Variants in ELN observed in about 807,000 individuals in gnomAD.
ELN encodes the protein tropoelastin.
In ELN, 65 loss-of-function variants were observed where a neutral mutation model predicts 105.8. That is an observed-to-expected ratio of 0.61 (90% CI 0.50 to 0.75). The LOEUF is 0.75. Ranked by LOEUF, ELN falls within the 30% of genes least tolerant of loss-of-function variation. The pLI is 0.00. For missense variants in ELN, 882 were observed against 969.4 expected (o/e 0.91, Z 1.20); for synonymous variants, 368 against 389.2 (o/e 0.95, Z 0.64).
chr7:74,037,915 A>G, intron 4 of ELN, 176 bp downstream of exon 4: 1 of 900,364 alleles, frequency 1.1e-6, no homozygotes, highest in Non-Finnish European at 1.7e-6. Context: ...GGCCGGGGCC[A>G]GGTCCCAGGG....
intron 14 of ELN, 145 bp from the exon 15 acceptor site, chr7:74,048,358 C>A: frequency 6.8e-7 from 1 of 1,472,658 alleles, no homozygotes. Flanking sequence ...AGGAGTGGGG[C>A]AGCTCCATCA....
At position 74,068,748 on chromosome 7, in the gene ELN, G is replaced by T; in HGVS notation, c.*48G>T. On this transcript the variant is annotated 3_prime_UTR_variant, in exon 33 of 33. Coordinates refer to ENST00000252034, the MANE Select transcript of ELN (RefSeq NM_000501.4). ...CGACCTCATCAACGTTGGTGCTACT[G>T]CTTGGTGGAGAATGTAAACCCTTTG... 2 of 1,606,992 alleles carry T rather than the reference G, an allele frequency of 1.2e-6. No individual in the cohort carries two copies. Among genetic ancestry groups the T allele is most frequent in the Non-Finnish European group, 1.7e-6 (2 of 1,173,692 alleles).
At chr7:74,064,454 G>C (rs1797515803) in intron 29 of ELN, among the ~76,000 whole-genome samples, 1 of 145,008 alleles carries the variant, frequency 6.9e-6, no homozygotes, top group Non-Finnish European at 1.5e-5. Context: ...ATGTATGTAT[G>C]TATGTATATA....
intron 31 of ELN, 142 bp downstream of exon 31, chr7:74,066,139 C>T: frequency 8.2e-7 from 1 of 1,224,306 alleles, no homozygotes; most frequent in African/African-American, 1.5e-5. Flanking sequence ...TTTAGGATTG[C>T]AGATGTACTG....
chr7:74,066,024 G>A, intron 31 of ELN, 27 bp downstream of exon 31: 1 of 1,614,022 alleles, frequency 6.2e-7, no homozygotes, highest in Non-Finnish European at 8.5e-7. Context: ...CTGCTACGTA[G>A]TCCTCAGCTC....
Position 74,057,680 on chromosome 7 carries a change from C to G in ELN, c.1398C>G (p.Ala466=). 1 of 1,613,602 alleles carries G rather than the reference C, an allele frequency of 6.2e-7. No individual in the cohort carries two copies. Among genetic ancestry groups the G allele is most frequent in the Non-Finnish European group, 8.5e-7 (1 of 1,180,004 alleles). ...TPAAAAAKAA[A]KAAQFGLVPG... The stretch of plus-strand genomic sequence containing the variant: ...CAGCTGCAGCTGCTAAAGCAGCCGC[C>G]AAAGCCGCCCAGTTTGGTAAGTCCC... Residue 466 remains alanine (A), a synonymous_variant, in exon 22 of 33, where the codon GCC becomes GCG. Transcript: ENST00000252034.
intron 17 of ELN, 173 bp downstream of exon 17, chr7:74,052,156 T>C (rs1183576923): frequency 2.7e-6 from 2 of 752,142 alleles, no homozygotes; most frequent in Non-Finnish European, 4.3e-6. Context: ...ATCTCTATTG[T>C]TTTGCCCTGA....
At chr7:74,028,327 A>C in intron 1 of ELN, 58 bp downstream of exon 1, 1 of 1,556,810 alleles carries the variant, frequency 6.4e-7, no homozygotes. Flanking sequence ...CCTTTGGGCC[A>C]GGTGACTAGA....
At chr7:74,065,812 C>T in intron 30 of ELN, 80 bp downstream of exon 30, 1 of 1,611,102 alleles carries the variant, frequency 6.2e-7, no homozygotes, top group Non-Finnish European at 8.5e-7. Flanking sequence ...CAGCCCAGCT[C>T]AGGCCTCCCT....
In ELN at chr7:74,045,267, G is replaced by A; in HGVS notation, c.515G>A (p.Gly172Glu). The A allele has an allele frequency of 6.2e-7, 1 of 1,614,142 alleles. No homozygotes were observed. Among genetic ancestry groups the A allele is most frequent in the Non-Finnish European group, 8.5e-7 (1 of 1,180,052 alleles). The change falls in exon 10 of 33, where the codon GGA (glycine) becomes GAA (glutamate). Residue 172 changes from glycine to glutamate, a missense_variant. Coordinates refer to ENST00000252034, the MANE Select transcript of ELN (RefSeq NM_000501.4). ...GVGVLPGVPT[G>E]AGVKPKAPGV... ...GGGGTGCTCCCTGGAGTTCCCACTG[G>A]AGCAGGAGTTAAGCCCAAGGCTCCA...
At position 74,057,410 on chromosome 7, in the gene ELN, GC is replaced by G. The variant is rs1795499605; in HGVS notation, c.1358-229del. On this transcript the variant is annotated intron_variant, in intron 21 of 32. Transcript: ENST00000252034. Reference sequence around the variant, plus strand: ...CTGCAGGAGCAGGAGTGCTGGGTGGGCTAGTGCCAGGTGCCCCAGGCGCAGT... The same window carrying G: ...CTGCAGGAGCAGGAGTGCTGGGTGGGTAGTGCCAGGTGCCCCAGGCGCAGT... 2.6e-6 allele frequency: 4 copies of G among 1,513,388 alleles called. No homozygotes were observed. The East Asian group carries it at 9.1e-5, about 34-fold the overall frequency. 93.7% of individuals were successfully genotyped at this position (1,513,388 alleles called of 1,614,324 possible). A position where few individuals can be genotyped will look rare whatever the true frequency, so the allele number is the denominator to read the frequency against.
chr7:74,068,015 G>A lies in ELN; in HGVS notation c.2132-642G>A, dbSNP rs146557741. Among the ~76,000 whole-genome samples the A allele has an allele frequency of 7.3e-3, 1,103 of 151,878 alleles. 4 individuals carry two copies. The highest frequency in any genetic ancestry group is 0.011 in the Non-Finnish European group (781 of 67,974). On this transcript the variant is annotated intron_variant, in intron 32 of 32. Transcript: ENST00000252034. ...CACTCTCTGCTCACTGCCACCAGGTGGCGGTAAGGAGCCATATCTGGCTCA... is the reference window on the plus strand; with the variant it reads ...CACTCTCTGCTCACTGCCACCAGGTAGCGGTAAGGAGCCATATCTGGCTCA...
In ELN at chr7:74,060,520, G is replaced by C. The variant is rs1272760373; in HGVS notation, c.1747+19G>C. 8 of 1,614,104 alleles carry C rather than the reference G, an allele frequency of 5.0e-6. No homozygotes were observed. Among genetic ancestry groups the C allele is most frequent in the Non-Finnish European group, 6.8e-6 (8 of 1,180,034 alleles). On this transcript the variant is annotated intron_variant, in intron 25 of 32. Coordinates refer to ENST00000252034, the MANE Select transcript of ELN (RefSeq NM_000501.4). Reference sequence around the variant, plus strand: ...GGGGCAGGTGCAGATGAGGGAGTTAGGCGGAGCCTGTCCCCTGAGCTCAGG... The same window carrying C: ...GGGGCAGGTGCAGATGAGGGAGTTACGCGGAGCCTGTCCCCTGAGCTCAGG...
chr7:74,066,679 C>T, intron 31 of ELN, 53 bp from the exon 32 acceptor site: 1 of 1,591,234 alleles, frequency 6.3e-7, no homozygotes. Context: ...AGTGATGAGG[C>T]TGGAGTCAGT....
chr7:74,052,366 T>G, intron 17 of ELN: 1 of 272,082 alleles, frequency 3.7e-6, no homozygotes, highest in Non-Finnish European at 7.2e-6. Flanking sequence ...TTTGGGAGGC[T>G]AAAACCAGGA....
At chr7:74,046,370 A>T (rs2131593138) in intron 11 of ELN, among the ~76,000 whole-genome samples, 153 bp downstream of exon 11, 1 of 152,294 alleles carries the variant, frequency 6.6e-6, no homozygotes, top group Non-Finnish European at 1.5e-5. Context: ...ACAAAGTGGC[A>T]CCCATCCCAG....
intron 1 of ELN, among the ~76,000 whole-genome samples, chr7:74,030,858 G>T (rs1017191470): frequency 9.9e-5 from 15 of 152,244 alleles, no homozygotes; most frequent in African/African-American, 3.6e-4. Context: ...GGGGTCGCCA[G>T]GGCCAAGAAG....
At chr7:74,035,230 G>A (rs1789622249) in intron 1 of ELN, 134 bp from the exon 2 acceptor site, 1 of 829,486 alleles carries the variant, frequency 1.2e-6, no homozygotes, top group Admixed American at 2.0e-5. Context: ...TGTCATTATT[G>A]CCATCAGCAT....
intron 19 of ELN, among the ~76,000 whole-genome samples, chr7:74,055,037 G>C (rs1794942150): frequency 6.6e-6 from 1 of 152,268 alleles, no homozygotes; most frequent in African/African-American, 2.4e-5. Flanking sequence ...TCTCAGAGGA[G>C]CCCAAAACTG....
Sources: allele counts gnomAD v4.1 joint callset (sites outside exome capture counted in the v4.1 genomes callset), GRCh38; gene constraint gnomAD v4.1.1; transcripts MANE v1.5; gene names NCBI Gene and HGNC (gene_info 2026-07-23, HGNC 2026-07-21).